EPB41L2: variants seen among roughly 807,000 people sequenced by gnomAD.
EPB41L2 encodes the protein erythrocyte membrane protein band 4.1 like 2, also known as band 4.1-like protein 2.
EPB41L2 carries 43 observed loss-of-function variants against 113.0 expected under a neutral mutation model. The ratio of observed to expected loss-of-function variants is 0.38; its 90% CI spans 0.30 to 0.49. The LOEUF (loss-of-function observed/expected upper bound fraction) is 0.49. EPB41L2 is among the 20% of genes least tolerant of loss of function. The pLI is 0.95. For synonymous variants in EPB41L2, 442 were observed against 436.7 expected (o/e 1.01, Z -0.15); for missense variants, 1,147 against 1,223.4 (o/e 0.94, Z 0.93).
intron 1 of EPB41L2, among the ~76,000 whole-genome samples, chr6:130,986,489 C>T (rs1780576410): frequency 6.6e-6 from 1 of 151,662 alleles, no homozygotes; most frequent in African/African-American, 2.4e-5. Flanking sequence ...AATCCTTATG[C>T]ATTGCTGGCA....
intron 1 of EPB41L2, among the ~76,000 whole-genome samples, chr6:130,972,284 A>G (rs1237071502): frequency 7.3e-6 from 1 of 137,714 alleles, no homozygotes; most frequent in Non-Finnish European, 1.5e-5. Flanking sequence ...AGATTGCGCC[A>G]TTGCACTCCA....
chr6:130,929,075 C>T (rs1443924514), intron 3 of EPB41L2, among the ~76,000 whole-genome samples: 1 of 152,194 alleles, frequency 6.6e-6, no homozygotes, highest in East Asian at 1.9e-4. Flanking sequence ...CCTGATTGCA[C>T]ATACACATTA....
At position 130,894,915 on chromosome 6, in the gene EPB41L2, T is replaced by C. The variant is rs1024220155; in HGVS notation, c.1389+52A>G. 14 of 1,495,426 alleles carry C rather than the reference T, an allele frequency of 9.4e-6. No homozygotes were observed. In the Admixed American group the frequency reaches 1.4e-4, roughly 15 times the overall value. 92.6% of individuals were successfully genotyped at this position (1,495,426 alleles called of 1,614,324 possible). Reference sequence around the variant, plus strand: ...TAATAGAAAAGAATTTTTAAATTCATGGTCGTAAACAGGCCGACTAACAAC... The same window carrying C: ...TAATAGAAAAGAATTTTTAAATTCACGGTCGTAAACAGGCCGACTAACAAC... On this transcript the variant is annotated intron_variant, in intron 9 of 19. Coordinates refer to ENST00000337057, the MANE Select transcript of EPB41L2 (RefSeq NM_001431.4).
intron 4 of EPB41L2, 59 bp downstream of exon 4, chr6:130,926,546 G>A: frequency 3.3e-6 from 4 of 1,213,420 alleles, no homozygotes; most frequent in Middle Eastern, 4.7e-4. Context: ...GAGATAAACT[G>A]GTTAATAAAA....
chr6:130,884,821 C>T (rs1047413089), intron 12 of EPB41L2, among the ~76,000 whole-genome samples: 1 of 152,236 alleles, frequency 6.6e-6, no homozygotes, highest in Non-Finnish European at 1.5e-5. Context: ...CATAGCTTTT[C>T]TACTTTGAGG....
intron 3 of EPB41L2, among the ~76,000 whole-genome samples, chr6:130,945,449 C>T (rs909769837): frequency 2.0e-5 from 3 of 152,124 alleles, no homozygotes; most frequent in Non-Finnish European, 2.9e-5. Flanking sequence ...TAAGAAAAAA[C>T]GGTACTGACA....
chr6:130,867,972 A>ACACTCTCT (rs1480502040), intron 15 of EPB41L2: 11 of 75,454 alleles, frequency 1.5e-4, no homozygotes, highest in Non-Finnish European at 2.8e-4. Context: ...ACACACACAC[A>ACACTCTCT]CTCTCTCTCT....
At chr6:130,848,240 C>CAG (rs1777694678) in intron 19 of EPB41L2, among the ~76,000 whole-genome samples, 1 of 143,980 alleles carries the variant, frequency 6.9e-6, no homozygotes, top group Non-Finnish European at 1.5e-5. Flanking sequence ...CACACACACA[C>CAG]ACAGAATCTA....
intron 9 of EPB41L2, among the ~76,000 whole-genome samples, chr6:130,894,677 A>T (rs1230386754): frequency 1.3e-5 from 2 of 152,130 alleles, no homozygotes; most frequent in African/African-American, 4.8e-5. Flanking sequence ...GTTCACTAAA[A>T]CTCATCTTAT....
At chr6:130,868,603 G>A (rs1784660035) in intron 15 of EPB41L2, 1 of 152,096 alleles carries the variant, frequency 6.6e-6, no homozygotes, top group African/African-American at 2.4e-5. Flanking sequence ...AAAGTAACAT[G>A]GTTAAAATCC....
chr6:130,882,861 A>T (rs1446876140), intron 12 of EPB41L2: 3 of 152,678 alleles, frequency 2.0e-5, no homozygotes, highest in Admixed American at 6.5e-5. Context: ...AAGTAACCAA[A>T]CTCAGAATCA....
chr6:130,931,333 A>T (rs1470666988), intron 3 of EPB41L2, among the ~76,000 whole-genome samples: 1 of 152,192 alleles, frequency 6.6e-6, no homozygotes, highest in Admixed American at 6.5e-5. Flanking sequence ...AAAGTCATCA[A>T]GACAAGAGGG....
At chr6:130,981,578 G>A (rs962813353) in intron 1 of EPB41L2, among the ~76,000 whole-genome samples, 9 of 152,120 alleles carry the variant, frequency 5.9e-5, no homozygotes, top group Non-Finnish European at 1.2e-4. Context: ...TTCTGACAGT[G>A]CACACAAATA....
intron 1 of EPB41L2, among the ~76,000 whole-genome samples, chr6:130,960,111 A>C (rs1431761267): frequency 1.3e-5 from 2 of 152,208 alleles, no homozygotes; most frequent in Non-Finnish European, 2.9e-5. Flanking sequence ...TACAAATAAT[A>C]AACAGTAGTC....
At chr6:130,868,754 C>T (rs968515293) in intron 15 of EPB41L2, 2 of 152,160 alleles carry the variant, frequency 1.3e-5, no homozygotes, top group Non-Finnish European at 2.9e-5. Flanking sequence ...GCCTAACTCC[C>T]AAATGAGAGA....
chr6:130,858,194 G>A lies in EPB41L2; in HGVS notation c.2960C>T (p.Ser987Leu), dbSNP rs750629350. ...TTTGTGTACCACCACTCTTGTGACC[G>A]ACATGTCAGGGTGCTGCTCTCTGGC... ...REAREQHPDM[S>L]VTRVVVHKET... The change falls in exon 19 of 20, where the codon TCG (serine) becomes TTG (leucine). Residue 987 changes from serine (S) to leucine (L), a missense_variant. Physicochemically the swap from Ser to Leu is moderately radical, Grantham distance 145. Transcript: ENST00000337057. 3.7e-6 allele frequency: 6 copies of A among 1,613,722 alleles called. No individual in the cohort carries two copies. The highest frequency in any genetic ancestry group is 1.7e-5 in the Admixed American group (1 of 60,002).
At position 130,885,190 on chromosome 6, in the gene EPB41L2, C is replaced by T. The variant is rs752258009; in HGVS notation, c.1739G>A (p.Gly580Glu). The T allele has an allele frequency of 1.9e-6, 3 of 1,614,134 alleles. No homozygotes were observed. Among genetic ancestry groups the T allele is most frequent in the South Asian group, 1.1e-5 (1 of 91,082 alleles). The change falls in exon 12 of 20, where the codon GGA becomes GAA. Residue 580 changes from glycine to glutamate, a missense_variant. Gly to Glu is a moderately conservative substitution (Grantham distance 98). Transcript: ENST00000337057. Reference protein sequence around the residue: ...AAGEISAYGPGLVSIAVVQDG... With the variant: ...AAGEISAYGPELVSIAVVQDG... ...TTGTACCACGGCAATGCTGACAAGT[C>T]CAGGTCCATAGGCTGAAATCTCCCC...
At chr6:131,038,428 T>C (rs1002594438) in intron 1 of EPB41L2, among the ~76,000 whole-genome samples, 2 of 152,204 alleles carry the variant, frequency 1.3e-5, no homozygotes, top group African/African-American at 2.4e-5. Context: ...GGAAAATTCA[T>C]AGAATAACTT....
intron 1 of EPB41L2, among the ~76,000 whole-genome samples, chr6:130,957,530 T>C (rs1562589445): frequency 6.6e-6 from 1 of 152,192 alleles, no homozygotes; most frequent in East Asian, 1.9e-4. Context: ...CGGACATGGT[T>C]ATTCCTGTAG....
Sources: gnomAD v4.1 joint callset for allele counts (sites outside exome capture counted in the v4.1 genomes callset) on GRCh38, gnomAD v4.1.1 for gene constraint, MANE v1.5 for transcripts, NCBI Gene and HGNC (gene_info 2026-07-23, HGNC 2026-07-21) for gene names.